Variants in SNTG1 observed in about 807,000 individuals in gnomAD.
The protein encoded by SNTG1 is gamma-1-syntrophin.
A neutral mutation model predicts 74.7 loss-of-function variants in SNTG1; 39 were observed. That is an observed-to-expected ratio of 0.52 (90% CI 0.40 to 0.68). The LOEUF is 0.68. Among genes scored for constraint, SNTG1 ranks in the 30% least tolerant of loss-of-function variants. The pLI, the probability that SNTG1 is intolerant of heterozygous loss-of-function variation, is 0.00. For missense variants in SNTG1, 685 were observed against 609.5 expected, an observed-to-expected ratio of 1.12 and a Z score of -1.30; for synonymous variants, 254 against 217.1, an observed-to-expected ratio of 1.17 and a Z score of -1.49.
At chr8:50,021,143 C>A (rs964041811) in intron 1 of SNTG1, among the ~76,000 whole-genome samples, 1 of 152,138 alleles carries the variant, frequency 6.6e-6, no homozygotes, top group Non-Finnish European at 1.5e-5. Flanking sequence ...TGGGTGTTCA[C>A]CAGAGCTAAT....
intron 2 of SNTG1, among the ~76,000 whole-genome samples, 169 bp from the exon 3 acceptor site, chr8:50,394,043 A>G (rs2092696751): frequency 6.6e-6 from 1 of 152,128 alleles, no homozygotes; most frequent in Admixed American, 6.5e-5. Context: ...GACTTTTTTC[A>G]TCTGTTCATT....
At chr8:50,506,611 TG>T (rs1258188699) in intron 9 of SNTG1, among the ~76,000 whole-genome samples, 9 of 152,196 alleles carry the variant, frequency 5.9e-5, no homozygotes, top group African/African-American at 1.7e-4. Flanking sequence ...TCAATAAAAT[TG>T]TTTTTTTATT....
intron 1 of SNTG1, among the ~76,000 whole-genome samples, chr8:49,930,880 T>C (rs1395694716): frequency 6.6e-6 from 1 of 152,144 alleles, no homozygotes; most frequent in Admixed American, 6.5e-5. Context: ...AAATAAACTT[T>C]GTTTAGATAC....
chr8:50,658,984 G>A lies in SNTG1; in HGVS notation c.1038+321G>A, dbSNP rs559678826. On this transcript the variant is annotated intron_variant, in intron 15 of 18. Coordinates refer to ENST00000642720, the MANE Select transcript of SNTG1 (RefSeq NM_018967.5). ...AGTTGAAAGTAGTCTGAATTTAAAC[G>A]TTGGTTGTTACCATGTTTTTTTTTT... Among the ~76,000 whole-genome samples, 28 of 133,958 alleles carry A rather than the reference G, an allele frequency of 2.1e-4. 1 individual carries two copies. In the South Asian group the frequency reaches 5.3e-3, roughly 25 times the overall value. 87.9% of individuals were successfully genotyped at this position (133,958 alleles called of 152,430 possible).
chr8:50,350,495 T>C (rs2091623810), intron 2 of SNTG1, among the ~76,000 whole-genome samples: 1 of 151,458 alleles, frequency 6.6e-6, no homozygotes, highest in South Asian at 2.1e-4. Context: ...CAGCACCCTG[T>C]GTCTAGCTCA....
intron 9 of SNTG1, among the ~76,000 whole-genome samples, chr8:50,527,201 C>T (rs577262180): frequency 6.6e-6 from 1 of 152,174 alleles, no homozygotes; most frequent in South Asian, 2.1e-4. Context: ...GTTCTTTTTA[C>T]TATTATAGTG....
rs559359473 is a variant in SNTG1 at position 50,748,547 on chromosome 8, T to C, written c.1285-3454T>C. On this transcript the variant is annotated intron_variant, in intron 17 of 18. Coordinates refer to ENST00000642720, the MANE Select transcript of SNTG1 (RefSeq NM_018967.5). ...TTTACAGGCATACCTCATTTTATCA[T>C]ACTTTGCTTTATTGTCCTTCACATA... is the stretch of plus-strand genomic sequence containing the variant. Among the ~76,000 whole-genome samples, 24 of 152,160 alleles carry C rather than the reference T, an allele frequency of 1.6e-4. 1 individual carries two copies. In the South Asian group the frequency reaches 4.6e-3, roughly 29 times the overall value.
At chr8:50,659,348 C>T (rs553444378) in intron 15 of SNTG1, among the ~76,000 whole-genome samples, 1 of 152,208 alleles carries the variant, frequency 6.6e-6, no homozygotes, top group South Asian at 2.1e-4. Context: ...GGTTTGTAGG[C>T]TTGGACTCAC....
At chr8:50,068,337 A>G (rs1339528254) in intron 1 of SNTG1, among the ~76,000 whole-genome samples, 4 of 152,136 alleles carry the variant, frequency 2.6e-5, no homozygotes, top group African/African-American at 9.7e-5. Flanking sequence ...TTTTCTTGCC[A>G]CCGGACTTGT....
chr8:50,681,747 A>T (rs544250913), intron 15 of SNTG1, among the ~76,000 whole-genome samples: 4 of 152,328 alleles, frequency 2.6e-5, no homozygotes, highest in African/African-American at 9.6e-5. Context: ...ACTGCCTTGC[A>T]TTAAATGCCA....
rs567295594 is a variant in SNTG1, at chr8:50,638,621, C to T, written c.850-18288C>T. Among the ~76,000 whole-genome samples the T allele has an allele frequency of 5.9e-5, 9 of 152,158 alleles. No individual in the cohort carries two copies. The East Asian group carries it at 1.7e-3, about 29-fold the overall frequency. ...ATAGTGATATATTCCGATGAAGAAT[C>T]AAAGCAGTTACTTTTGAGGTTTTAA... On this transcript the variant is annotated intron_variant, in intron 13 of 18. Transcript: ENST00000642720.
intron 15 of SNTG1, among the ~76,000 whole-genome samples, chr8:50,702,711 T>C (rs551222598): frequency 6.6e-6 from 1 of 152,288 alleles, no homozygotes; most frequent in African/African-American, 2.4e-5. Flanking sequence ...AGTTAGATGG[T>C]TCCACTGTTG....
At chr8:50,442,633 TC>T (rs2093367752) in intron 5 of SNTG1, among the ~76,000 whole-genome samples, 1 of 132,042 alleles carries the variant, frequency 7.6e-6, no homozygotes, top group Non-Finnish European at 1.5e-5. Flanking sequence ...CTCTCAGAAA[TC>T]ACATACTTGT....
At chr8:50,486,583 A>T (rs1461720772) in intron 8 of SNTG1, among the ~76,000 whole-genome samples, 1 of 130,666 alleles carries the variant, frequency 7.7e-6, no homozygotes, top group Non-Finnish European at 1.7e-5. Flanking sequence ...ATATACAATC[A>T]TGTCGTCTGC....
At chr8:50,013,514 T>C (rs990130874) in intron 1 of SNTG1, among the ~76,000 whole-genome samples, 3 of 151,762 alleles carry the variant, frequency 2.0e-5, no homozygotes, top group Admixed American at 6.6e-5. Context: ...TAGAGATATA[T>C]ATGTATGTGC....
chr8:49,971,042 C>G (rs187900701), intron 1 of SNTG1, among the ~76,000 whole-genome samples: 3 of 152,144 alleles, frequency 2.0e-5, no homozygotes, highest in Non-Finnish European at 4.4e-5. Flanking sequence ...ATCCTGATAC[C>G]AAAGCCTGGC....
chr8:50,051,459 CAT>C (rs1423399753), intron 1 of SNTG1, among the ~76,000 whole-genome samples: 2 of 152,126 alleles, frequency 1.3e-5, no homozygotes, highest in African/African-American at 4.8e-5. Flanking sequence ...AAAGTGCAAA[CAT>C]GTATGCATTG....
chr8:50,763,126 C>A (rs1160361180), intron 18 of SNTG1, among the ~76,000 whole-genome samples: 1 of 151,890 alleles, frequency 6.6e-6, no homozygotes, highest in East Asian at 1.9e-4. Flanking sequence ...ATTTCTGTTC[C>A]AACAATCCGT....
rs569385516 is a variant in SNTG1 at position 50,758,293 on chromosome 8, G to A, written c.1395+6182G>A. Among the ~76,000 whole-genome samples the A allele has an allele frequency of 5.3e-5, 8 of 151,704 alleles. No individual in the cohort carries two copies. In the South Asian group the frequency reaches 6.3e-4, roughly 12 times the overall value. On this transcript the variant is annotated intron_variant, in intron 18 of 18. Transcript: ENST00000642720. Reference sequence around the variant, plus strand: ...CTGTAAACTGTGATGTCTTTTTTCCGTGTATTATGATTTGCAATATTTTCT... The same window carrying A: ...CTGTAAACTGTGATGTCTTTTTTCCATGTATTATGATTTGCAATATTTTCT...
Sources: allele counts gnomAD v4.1 joint callset (sites outside exome capture counted in the v4.1 genomes callset), GRCh38; gene constraint gnomAD v4.1.1; transcripts MANE v1.5; gene names NCBI Gene and HGNC (gene_info 2026-07-23, HGNC 2026-07-21).